HNRNPD: variants seen among roughly 807,000 people sequenced by gnomAD.
HNRNPD encodes the protein heterogeneous nuclear ribonucleoprotein D0.
In HNRNPD, 3 loss-of-function variants were observed where a neutral mutation model predicts 47.9. That is an observed-to-expected ratio of 0.06 (90% CI 0.03 to 0.16). The LOEUF is 0.16. HNRNPD is among the 10% of genes least tolerant of loss of function. HNRNPD has a pLI of 1.00. For missense variants in HNRNPD, 287 were observed against 454.2 expected, an observed-to-expected ratio of 0.63 and a Z score of 3.35; for synonymous variants, 171 against 165.1, an observed-to-expected ratio of 1.04 and a Z score of -0.28.
Position 82,356,527 on chromosome 4 carries a change from T to C in HNRNPD, c.1000+10A>G, listed in dbSNP as rs1184995023. 1.3e-6 allele frequency: 2 copies of C among 1,593,170 alleles called. No homozygotes were observed. The highest frequency in any genetic ancestry group is 1.7e-6 in the Non-Finnish European group (2 of 1,163,894). On this transcript the variant is annotated intron_variant, in intron 7 of 8. Coordinates refer to ENST00000313899, the MANE Select transcript of HNRNPD (RefSeq NM_031370.3). ...CAAATAGCAGTTAATATAAAAAGTA[T>C]AGTACTTACTGCTATAATCACCATA...
chr4:82,359,349 G>T, intron 3 of HNRNPD, 122 bp downstream of exon 3: 1 of 555,596 alleles, frequency 1.8e-6, no homozygotes, highest in Non-Finnish European at 2.9e-6. Context: ...ATTGGGGCAA[G>T]AACTATTCTT....
In HNRNPD at chr4:82,373,854, C is replaced by A. The variant is rs1720283530; in HGVS notation, c.-176G>T. 1.5e-6 allele frequency: 2 copies of A among 1,359,550 alleles called. No individual in the cohort carries two copies. Among genetic ancestry groups the A allele is most frequent in the East Asian group, 2.9e-5 (1 of 34,734 alleles). 84.2% of individuals were successfully genotyped at this position (1,359,550 alleles called of 1,614,324 possible). A position where few individuals can be genotyped will look rare whatever the true frequency, so the allele number is the denominator to read the frequency against. ...CTCCTGCGCCTCTCCCTGGCCTGCC[C>A]CCTTCGCCTCCCACTCTCGCGCGGC... On this transcript the variant is annotated 5_prime_UTR_variant, in exon 1 of 9. Coordinates refer to ENST00000313899, the MANE Select transcript of HNRNPD (RefSeq NM_031370.3).
intron 7 of HNRNPD, 44 bp from the exon 8 acceptor site, chr4:82,355,445 T>C: frequency 7.3e-7 from 1 of 1,368,790 alleles, no homozygotes; most frequent in Non-Finnish European, 1.0e-6. Flanking sequence ...AGTGGTTACA[T>C]ACTAATAATC....
chr4:82,364,708 A>T (rs1188916819), intron 2 of HNRNPD, among the ~76,000 whole-genome samples: 2 of 152,230 alleles, frequency 1.3e-5, no homozygotes, highest in African/African-American at 4.8e-5. Context: ...AGACCCTTTA[A>T]ATGTAGCTTC....
chr4:82,356,544 A>G lies in HNRNPD; in HGVS notation c.993T>C (p.Asp331=). ...AAAAAGTATAGTACTTACTGCTATA[A>G]TCACCATATCCATAGTAGTTGTTGT... ...TGYNNYYGYG[D]YSNQQSGYGK... The change falls in exon 7 of 9, where the codon GAT becomes GAC. Residue 331 remains aspartate (D), a synonymous_variant. Transcript: ENST00000313899. 1 of 1,606,280 alleles carries G rather than the reference A, an allele frequency of 6.2e-7. No homozygotes were observed.
chr4:82,372,873 G>A (rs1001000647), intron 1 of HNRNPD, among the ~76,000 whole-genome samples: 3 of 152,162 alleles, frequency 2.0e-5, no homozygotes, highest in African/African-American at 7.2e-5. Flanking sequence ...TAAATCCTTA[G>A]GCGAAACTTA....
chr4:82,358,743 C>T lies in HNRNPD; in HGVS notation c.537G>A (p.Glu179=). The change falls in exon 4 of 9, where the codon GAG becomes GAA. Residue 179 remains glutamate, a synonymous_variant. Transcript: ENST00000313899. Reference sequence around the variant, plus strand: ...CACCAACAAAAATTTTTTTAACCGGCTCTTTTGTTTTCATGGCTTTGGCCC... The same window carrying T: ...CACCAACAAAAATTTTTTTAACCGGTTCTTTTGTTTTCATGGCTTTGGCCC... ...PKRAKAMKTK[E]PVKKIFVGGL... is the part of the protein sequence containing the mutation. 1 of 1,612,828 alleles carries T rather than the reference C, an allele frequency of 6.2e-7. No individual in the cohort carries two copies. Among genetic ancestry groups the T allele is most frequent in the South Asian group, 1.1e-5 (1 of 91,022 alleles).
At chr4:82,373,255 G>A (rs1357385872) in intron 1 of HNRNPD, 191 bp downstream of exon 1, 11 of 783,508 alleles carry the variant, frequency 1.4e-5, no homozygotes, top group Non-Finnish European at 2.1e-5. Context: ...GGAGGGGGGC[G>A]ATAAGCAGGC....
chr4:82,369,336 C>G (rs933741124), intron 2 of HNRNPD, among the ~76,000 whole-genome samples: 2 of 152,116 alleles, frequency 1.3e-5, no homozygotes, highest in African/African-American at 4.8e-5. Flanking sequence ...GGAGGGCATA[C>G]TATGGAAATA....
chr4:82,365,771 A>ATTTT (rs80051188), intron 2 of HNRNPD, among the ~76,000 whole-genome samples: 949 of 106,282 alleles, frequency 8.9e-3, no homozygotes, highest in African/African-American at 0.021. Context: ...GGCCCAGCTA[A>ATTTT]TTTTTTTTTT....
At chr4:82,373,155 C>T (rs1720161321) in intron 1 of HNRNPD, 3 of 627,450 alleles carry the variant, frequency 4.8e-6, no homozygotes, top group Non-Finnish European at 8.9e-6. Context: ...GCGGCTAAGT[C>T]GGTGGGAGGA....
At chr4:82,355,027 G>A (rs1362216881) in intron 8 of HNRNPD, 10 of 413,570 alleles carry the variant, frequency 2.4e-5, no homozygotes, top group Non-Finnish European at 2.6e-5. Context: ...AAGGTATAAT[G>A]TCAGAGTTAG....
intron 4 of HNRNPD, 67 bp from the exon 5 acceptor site, chr4:82,357,511 T>A (rs1175018850): frequency 9.5e-6 from 13 of 1,363,832 alleles, no homozygotes; most frequent in Non-Finnish European, 1.2e-5. Context: ...AAACACAAGT[T>A]TAGAGGGGGG....
At chr4:82,371,643 CTGTT>C in intron 1 of HNRNPD, 59 bp from the exon 2 acceptor site, 4 of 1,391,548 alleles carry the variant, frequency 2.9e-6, no homozygotes, top group South Asian at 1.2e-5. Flanking sequence ...GTTTTTGACA[CTGTT>C]AGGGTTAAAA....
At chr4:82,363,773 C>T (rs6839093) in intron 2 of HNRNPD, among the ~76,000 whole-genome samples, 27,925 of 152,126 alleles carry the variant, frequency 0.18, 2,833 homozygotes, top group Non-Finnish European at 0.23. Context: ...TACTCCACAA[C>T]AGAAGTCTCC....
chr4:82,370,839 G>A (rs1028102264), intron 2 of HNRNPD, among the ~76,000 whole-genome samples: 3 of 152,070 alleles, frequency 2.0e-5, no homozygotes, highest in Non-Finnish European at 4.4e-5. Context: ...CAACCTACCA[G>A]CCTCCAAAGA....
At chr4:82,355,431 C>T (rs367731916) in intron 7 of HNRNPD, 30 bp from the exon 8 acceptor site, 25 of 1,513,248 alleles carry the variant, frequency 1.7e-5, no homozygotes, top group Non-Finnish European at 2.1e-5. Flanking sequence ...AGAACCAGAA[C>T]GGTAGTGGTT....
At chr4:82,358,610 C>A (rs969618868) in intron 4 of HNRNPD, 49 bp downstream of exon 4, 1 of 1,530,318 alleles carries the variant, frequency 6.5e-7, no homozygotes, top group African/African-American at 1.4e-5. Flanking sequence ...GGGACAATCA[C>A]ATTCACACTA....
rs770253877 is a variant in HNRNPD at position 82,356,551 on chromosome 4, T to A, written c.986A>T (p.Tyr329Phe). 3.1e-6 allele frequency: 5 copies of A among 1,608,156 alleles called. No homozygotes were observed. Among genetic ancestry groups the A allele is most frequent in the Admixed American group, 3.3e-5 (2 of 59,904 alleles). ...ATAGTACTTACTGCTATAATCACCA[T>A]ATCCATAGTAGTTGTTGTAACCAGT... ...DYTGYNNYYG[Y>F]GDYSNQQSGY... The change falls in exon 7 of 9, where the codon TAT becomes TTT. Residue 329 changes from tyrosine (Y) to phenylalanine (F), a missense_variant. Tyr to Phe is a conservative substitution (Grantham distance 22). Around this residue, in one of 5 missense-constraint regions of HNRNPD, gnomAD observed 65 missense variants for 107.1 expected, o/e 0.61. Coordinates refer to ENST00000313899, the MANE Select transcript of HNRNPD (RefSeq NM_031370.3).
Sources: gnomAD v4.1 joint callset for allele counts (sites outside exome capture counted in the v4.1 genomes callset) on GRCh38, gnomAD v4.1.1 for gene constraint, gnomAD v4.1.1 regional missense constraint, MANE v1.5 for transcripts, NCBI Gene and HGNC (gene_info 2026-07-23, HGNC 2026-07-21) for gene names.